EYA3: variants seen among roughly 807,000 people sequenced by gnomAD.
The protein encoded by EYA3 is EYA transcriptional coactivator and phosphatase 3.
In EYA3, 39 loss-of-function variants were observed where a neutral mutation model predicts 80.0. That is an observed-to-expected ratio of 0.49 (90% CI 0.38 to 0.64). The LOEUF (loss-of-function observed/expected upper bound fraction) is 0.64. EYA3 is among the 30% of genes least tolerant of loss of function. The pLI is 0.00. For synonymous variants in EYA3, 206 were observed against 232.8 expected (o/e 0.88, Z 1.05); for missense variants, 523 against 676.1 (o/e 0.77, Z 2.51).
intron 1 of EYA3, among the ~76,000 whole-genome samples, chr1:28,065,013 T>G (rs985462607): frequency 6.6e-6 from 1 of 152,208 alleles, no homozygotes; most frequent in African/African-American, 2.4e-5. Flanking sequence ...TGTACTTAAT[T>G]CCACTGAATT....
chr1:28,070,104 T>C (rs1448143740), intron 1 of EYA3, among the ~76,000 whole-genome samples: 2 of 152,316 alleles, frequency 1.3e-5, no homozygotes, highest in East Asian at 3.9e-4. Flanking sequence ...AAAGTCTGTT[T>C]GGGGTAATTT....
intron 11 of EYA3, among the ~76,000 whole-genome samples, chr1:28,001,125 TAA>T (rs1334220312): frequency 1.3e-4 from 20 of 149,990 alleles, no homozygotes; most frequent in African/African-American, 2.2e-4. Flanking sequence ...TATATTTATA[TAA>T]GATATATACA....
At chr1:28,057,662 G>A (rs1049782263) in intron 2 of EYA3, among the ~76,000 whole-genome samples, 7 of 152,094 alleles carry the variant, frequency 4.6e-5, no homozygotes, top group African/African-American at 1.4e-4. Context: ...AGGAAATTTA[G>A]GTAAAAACAA....
intron 1 of EYA3, among the ~76,000 whole-genome samples, chr1:28,079,036 G>T (rs1645325528): frequency 1.3e-5 from 2 of 152,234 alleles, no homozygotes; most frequent in Admixed American, 1.3e-4. Flanking sequence ...CATACGAGAA[G>T]ATGGCAAGTC....
chr1:28,015,312 G>A (rs1309547786), intron 8 of EYA3, among the ~76,000 whole-genome samples: 1 of 152,174 alleles, frequency 6.6e-6, no homozygotes. Flanking sequence ...GACCTCTGTA[G>A]GCCTGAATGA....
At chr1:28,028,696 C>T (rs1642936901) in intron 6 of EYA3, among the ~76,000 whole-genome samples, 1 of 151,508 alleles carries the variant, frequency 6.6e-6, no homozygotes, top group Admixed American at 6.6e-5. Flanking sequence ...GGATTATAGG[C>T]ATGAGCCACT....
At chr1:27,975,788 T>A (rs931522291) in intron 17 of EYA3, among the ~76,000 whole-genome samples, 5 of 151,656 alleles carry the variant, frequency 3.3e-5, no homozygotes, top group Admixed American at 2.6e-4. Context: ...CCGGCCGATA[T>A]TTTTAAATTA....
At chr1:28,020,507 T>A (rs1361493097) in intron 7 of EYA3, among the ~76,000 whole-genome samples, 1 of 152,114 alleles carries the variant, frequency 6.6e-6, no homozygotes, top group Non-Finnish European at 1.5e-5. Context: ...TAAATTCTAG[T>A]GAGGGAAGTT....
chr1:28,043,665 C>T (rs2148866373), intron 3 of EYA3, among the ~76,000 whole-genome samples: 1 of 152,214 alleles, frequency 6.6e-6, no homozygotes, highest in East Asian at 1.9e-4. Flanking sequence ...TGGTAAAACC[C>T]CGTCTCTACT....
chr1:28,041,527 T>C (rs1461041396), intron 4 of EYA3, among the ~76,000 whole-genome samples: 1 of 150,912 alleles, frequency 6.6e-6, no homozygotes, highest in Non-Finnish European at 1.5e-5. Context: ...CACTCCAACC[T>C]GGGCAACAAA....
chr1:27,990,703 C>A (rs1639993930), intron 14 of EYA3, among the ~76,000 whole-genome samples: 2 of 152,034 alleles, frequency 1.3e-5, no homozygotes, highest in Non-Finnish European at 1.5e-5. Flanking sequence ...TAGGCAGCTG[C>A]CACCACACCC....
At chr1:28,075,431 T>C (rs1645166932) in intron 1 of EYA3, among the ~76,000 whole-genome samples, 1 of 152,204 alleles carries the variant, frequency 6.6e-6, no homozygotes, top group African/African-American at 2.4e-5. Context: ...CTAAGTGAGC[T>C]TCAAGTCAGG....
At chr1:28,047,641 T>C (rs895032414) in intron 3 of EYA3, among the ~76,000 whole-genome samples, 9 of 141,446 alleles carry the variant, frequency 6.4e-5, no homozygotes, top group East Asian at 4.0e-4. Context: ...TCTTTTCTCT[T>C]TTTTTTTTTT....
At chr1:28,080,531 T>C (rs1394356624) in intron 1 of EYA3, among the ~76,000 whole-genome samples, 1 of 152,004 alleles carries the variant, frequency 6.6e-6, no homozygotes, top group Non-Finnish European at 1.5e-5. Flanking sequence ...GTAAAGATAC[T>C]GTTTCAAGAA....
At chr1:28,067,815 GAC>G (rs1644886006) in intron 1 of EYA3, among the ~76,000 whole-genome samples, 2 of 152,186 alleles carry the variant, frequency 1.3e-5, no homozygotes, top group African/African-American at 4.8e-5. Context: ...CTATTGGACA[GAC>G]ACGATTCTCT....
intron 8 of EYA3, among the ~76,000 whole-genome samples, chr1:28,015,188 G>C (rs1183007372): frequency 6.6e-6 from 1 of 152,204 alleles, no homozygotes; most frequent in African/African-American, 2.4e-5. Flanking sequence ...TCATTGTAAA[G>C]TATGATGGTG....
At chr1:28,022,556 G>C (rs778204996) in intron 7 of EYA3, among the ~76,000 whole-genome samples, 26 of 152,158 alleles carry the variant, frequency 1.7e-4, no homozygotes, top group Non-Finnish European at 3.7e-4. Flanking sequence ...AAGAATTCAT[G>C]TTTAACTCAA....
intron 6 of EYA3, among the ~76,000 whole-genome samples, chr1:28,034,920 A>T (rs1280124607): frequency 6.6e-6 from 1 of 152,188 alleles, no homozygotes; most frequent in Non-Finnish European, 1.5e-5. Context: ...AAAAATAAGC[A>T]CAGATATTAA....
chr1:27,992,377 C>T (rs1640133692), intron 14 of EYA3, among the ~76,000 whole-genome samples: 1 of 152,140 alleles, frequency 6.6e-6, no homozygotes, highest in Non-Finnish European at 1.5e-5. Flanking sequence ...GTGCAGTTCA[C>T]AATAGGGTTT....
Sources: allele counts gnomAD v4.1 joint callset (sites outside exome capture counted in the v4.1 genomes callset), GRCh38; gene constraint gnomAD v4.1.1; transcripts MANE v1.5; gene names NCBI Gene and HGNC (gene_info 2026-07-23, HGNC 2026-07-21).